The following FRRS1 variants were observed in gnomAD, a reference collection of about 807,000 sequenced individuals.
FRRS1 encodes ferric reductase 1.
In FRRS1, 51 loss-of-function variants were observed where a neutral mutation model predicts 70.7. The observed-to-expected ratio is 0.72, with a 90% CI of 0.58 to 0.91. The LOEUF (loss-of-function observed/expected upper bound fraction) is 0.91, where lower values mean the gene tolerates loss of function less well. FRRS1 is among the 40% of genes least tolerant of loss of function. The probability of loss-of-function intolerance (pLI) is 0.00; values close to 1 mark genes in which losing one functional copy is unlikely to be tolerated. For missense variants in FRRS1, 672 were observed against 726.0 expected, an observed-to-expected ratio of 0.93 and a Z score of 0.86; for synonymous variants, 225 against 238.7, an observed-to-expected ratio of 0.94 and a Z score of 0.53.
chr1:99,733,243 C>T (rs4908007), intron 7 of FRRS1, among the ~76,000 whole-genome samples: 24,023 of 152,000 alleles, frequency 0.16, 2,992 homozygotes, highest in African/African-American at 0.33. Context: ...GGACTAATGG[C>T]GGGTTACTAC....
intron 1 of FRRS1, among the ~76,000 whole-genome samples, chr1:99,766,397 G>C (rs1322404648): frequency 2.0e-5 from 3 of 152,124 alleles, no homozygotes; most frequent in Non-Finnish European, 4.4e-5. Context: ...GTTAGTCAAA[G>C]TCACAGGACA....
intron 1 of FRRS1, among the ~76,000 whole-genome samples, chr1:99,762,539 C>T (rs1657162102): frequency 6.7e-6 from 1 of 149,478 alleles, no homozygotes; most frequent in African/African-American, 2.5e-5. Flanking sequence ...CAATTATAAC[C>T]TCTAGGATAG....
intron 9 of FRRS1, among the ~76,000 whole-genome samples, chr1:99,721,579 T>TAATAACA (rs1478893485): frequency 2.0e-5 from 3 of 150,850 alleles, no homozygotes; most frequent in African/African-American, 7.3e-5. Context: ...CCATGGAGAG[T>TAATAACA]AATAACAATA....
chr1:99,708,840 T>C lies in FRRS1; in HGVS notation c.*188A>G. ...TTACATATAGGGCATGACATTAATT[T>C]ATAGTCTATATGACCCTCTTGAATG... On this transcript the variant is annotated 3_prime_UTR_variant, in exon 17 of 17. Coordinates refer to ENST00000646001, the MANE Select transcript of FRRS1 (RefSeq NM_001361041.2). 8.5e-7 allele frequency: 1 copy of C among 1,177,722 alleles called. No individual in the cohort carries two copies. The highest frequency in any genetic ancestry group is 2.4e-5 in the East Asian group (1 of 42,314). 73.0% of individuals were successfully genotyped at this position (1,177,722 alleles called of 1,614,324 possible).
chr1:99,751,886 A>G (rs1656585838), intron 1 of FRRS1, among the ~76,000 whole-genome samples: 1 of 152,190 alleles, frequency 6.6e-6, no homozygotes, highest in Non-Finnish European at 1.5e-5. Context: ...CTAACATGAA[A>G]GTTTGTTCAA....
At chr1:99,748,274 G>T (rs1656389385) in intron 3 of FRRS1, 1 of 206,554 alleles carries the variant, frequency 4.8e-6, no homozygotes, top group Non-Finnish European at 9.5e-6. Context: ...AAGGACAAGG[G>T]TTTATTATAT....
chr1:99,754,615 C>A (rs762825031), intron 1 of FRRS1, among the ~76,000 whole-genome samples: 4 of 152,156 alleles, frequency 2.6e-5, no homozygotes, highest in Non-Finnish European at 5.9e-5. Flanking sequence ...TATCCATAGA[C>A]TATTTCATCC....
At chr1:99,720,727 T>G (rs550270947) in intron 9 of FRRS1, among the ~76,000 whole-genome samples, 5 of 152,012 alleles carry the variant, frequency 3.3e-5, no homozygotes, top group African/African-American at 4.8e-5. Flanking sequence ...TAAAATCACA[T>G]GTCTTCATCA....
intron 1 of FRRS1, 123 bp downstream of exon 1, chr1:99,766,483 GT>G (rs1341481408): frequency 2.6e-5 from 4 of 152,164 alleles, no homozygotes; most frequent in Non-Finnish European, 4.4e-5. Flanking sequence ...TACAGCACCC[GT>G]TCTGCCTGGC....
intron 4 of FRRS1, among the ~76,000 whole-genome samples, chr1:99,743,976 G>A (rs1162300695): frequency 6.6e-6 from 1 of 151,150 alleles, no homozygotes; most frequent in African/African-American, 2.4e-5. Context: ...AGAAAAAGCT[G>A]AATTGCTTGA....
intron 1 of FRRS1, among the ~76,000 whole-genome samples, chr1:99,759,520 A>C (rs1051571040): frequency 6.6e-6 from 1 of 152,194 alleles, no homozygotes; most frequent in African/African-American, 2.4e-5. Flanking sequence ...ATAGAGGTGG[A>C]AATAGGTGTT....
chr1:99,725,244 A>T (rs1434139192), intron 9 of FRRS1, among the ~76,000 whole-genome samples: 1 of 152,220 alleles, frequency 6.6e-6, no homozygotes. Context: ...AGTTCCTAAC[A>T]GGTCACAGAC....
Position 99,717,467 on chromosome 1 carries a change from C to T in FRRS1, c.1179G>A (p.Arg393=). The T allele has an allele frequency of 6.2e-7, 1 of 1,614,130 alleles. No individual in the cohort carries two copies. Among genetic ancestry groups the T allele is most frequent in the African/African-American group, 1.3e-5 (1 of 75,048 alleles). The change falls in exon 11 of 17, where the codon CGG becomes CGA. Residue 393 remains arginine (R), a synonymous_variant. Coordinates refer to ENST00000646001, the MANE Select transcript of FRRS1 (RefSeq NM_001361041.2). ...TTVSIGVLVA[R]FFKPVWSKAF... Reference sequence around the variant, plus strand: ...CTTTTGACCAAACTGGCTTGAAGAACCGGGCAACCAGTACACCTATGCTAA... The same window carrying T: ...CTTTTGACCAAACTGGCTTGAAGAATCGGGCAACCAGTACACCTATGCTAA...
chr1:99,717,364 G>C (rs375742348), intron 11 of FRRS1, 46 bp downstream of exon 11: 4 of 1,183,620 alleles, frequency 3.4e-6, no homozygotes, highest in Non-Finnish European at 3.8e-6. Context: ...ATGTTGCAAT[G>C]TTCAAATACT....
intron 12 of FRRS1, among the ~76,000 whole-genome samples, chr1:99,714,834 T>C (rs1654442599): frequency 6.6e-6 from 1 of 152,192 alleles, no homozygotes. Context: ...AGTCCCATTT[T>C]GGACATGTTA....
chr1:99,715,740 GA>G, intron 11 of FRRS1, 68 bp from the exon 12 acceptor site: 2 of 1,009,006 alleles, frequency 2.0e-6, no homozygotes, highest in Non-Finnish European at 3.1e-6. Flanking sequence ...TTGCAACGGG[GA>G]AAATGGGGAA....
rs1218846114 is a variant in FRRS1 at position 99,707,680 on chromosome 1, GA to G, written c.*1347del. Among the ~76,000 whole-genome samples the G allele has an allele frequency of 6.6e-6, 1 of 152,182 alleles. No homozygotes were observed. The highest frequency in any genetic ancestry group is 1.5e-5 in the Non-Finnish European group (1 of 68,022). ...ATCCGGTAATGTTACCTAAATACTAGAAAGGAATCAGCACAAGGAAACAGGA... is the reference window on the plus strand; with the variant it reads ...ATCCGGTAATGTTACCTAAATACTAGAAGGAATCAGCACAAGGAAACAGGA... On this transcript the variant is annotated 3_prime_UTR_variant, in exon 17 of 17. Transcript: ENST00000646001.
chr1:99,732,844 AT>A (rs5776486), intron 7 of FRRS1, among the ~76,000 whole-genome samples: 55,123 of 144,654 alleles, frequency 0.38, 12,353 homozygotes, highest in East Asian at 0.59. Context: ...TTTTGAGACA[AT>A]TTTTTTTTTT....
chr1:99,754,491 G>C (rs1447396684), intron 1 of FRRS1, among the ~76,000 whole-genome samples: 2 of 106,820 alleles, frequency 1.9e-5, no homozygotes, highest in African/African-American at 1.0e-4. Context: ...GTCTCAAAGA[G>C]AGAGAGAGAG....
Sources: allele counts gnomAD v4.1 joint callset (sites outside exome capture counted in the v4.1 genomes callset), GRCh38; gene constraint gnomAD v4.1.1; transcripts MANE v1.5; gene names NCBI Gene and HGNC (gene_info 2026-07-23, HGNC 2026-07-21).